Variants in MGAT5 observed in about 807,000 individuals in gnomAD.
The protein encoded by MGAT5 is alpha-1,6-mannosylglycoprotein 6-beta-N-acetylglucosaminyltransferase A.
MGAT5 carries 30 observed loss-of-function variants against 94.3 expected under a neutral mutation model. That is an observed-to-expected ratio of 0.32 (90% CI 0.24 to 0.43). MGAT5 has a LOEUF of 0.43. Ranked by LOEUF, MGAT5 falls within the 20% of genes least tolerant of loss-of-function variation. MGAT5 has a pLI of 1.00. For synonymous variants in MGAT5, 310 were observed against 322.9 expected (o/e 0.96, Z 0.43); for missense variants, 691 against 905.5 (o/e 0.76, Z 3.04).
At chr2:134,244,078 C>T (rs1266225565) in intron 1 of MGAT5, among the ~76,000 whole-genome samples, 1 of 152,084 alleles carries the variant, frequency 6.6e-6, no homozygotes, top group Non-Finnish European at 1.5e-5. Flanking sequence ...GTGCATTTTA[C>T]ACTTATTATA....
intron 10 of MGAT5, among the ~76,000 whole-genome samples, chr2:134,381,391 TAGATAGATAGATAGA>T (rs1558841820): frequency 9.4e-4 from 75 of 80,022 alleles, no homozygotes; most frequent in African/African-American, 3.2e-3. Flanking sequence ...ATTAGATAGA[TAGATAGATAGATAGA>T]TAGATAGATA....
At chr2:134,380,323 A>G (rs1325432047) in intron 10 of MGAT5, among the ~76,000 whole-genome samples, 1 of 152,220 alleles carries the variant, frequency 6.6e-6, no homozygotes. Flanking sequence ...AATGGTAGTT[A>G]CTATCTTTTA....
chr2:134,310,396 G>A (rs1364741441), intron 2 of MGAT5, among the ~76,000 whole-genome samples: 7 of 152,134 alleles, frequency 4.6e-5, no homozygotes, highest in African/African-American at 1.7e-4. Flanking sequence ...ATCTCACTAG[G>A]CCTTACTGTT....
intron 1 of MGAT5, among the ~76,000 whole-genome samples, chr2:134,149,788 C>T (rs1364146426): frequency 6.6e-6 from 1 of 152,168 alleles, no homozygotes; most frequent in African/African-American, 2.4e-5. Flanking sequence ...AAGGCACTAA[C>T]AGCAGTGGAA....
chr2:134,240,366 T>G (rs1024518359), intron 1 of MGAT5, among the ~76,000 whole-genome samples: 1 of 151,742 alleles, frequency 6.6e-6, no homozygotes, highest in Non-Finnish European at 1.5e-5. Context: ...TGTTTTTTTT[T>G]TTTTTTACTA....
At chr2:134,255,498 CATAT>C (rs950470313) in intron 1 of MGAT5, among the ~76,000 whole-genome samples, 13 of 148,954 alleles carry the variant, frequency 8.7e-5, no homozygotes, top group African/African-American at 3.2e-4. Flanking sequence ...TATATATACA[CATAT>C]ATACACATAT....
intron 2 of MGAT5, among the ~76,000 whole-genome samples, chr2:134,306,384 T>G (rs1686331766): frequency 6.6e-6 from 1 of 152,210 alleles, no homozygotes; most frequent in Admixed American, 6.5e-5. Context: ...TACACTGTTT[T>G]GCTATTATAT....
intron 11 of MGAT5, among the ~76,000 whole-genome samples, chr2:134,411,479 T>G (rs2106326385): frequency 6.6e-6 from 1 of 152,306 alleles, no homozygotes; most frequent in Non-Finnish European, 1.5e-5. Context: ...AAATTTATTC[T>G]TTCAAAAAAC....
chr2:134,312,572 G>A (rs1174132202), intron 2 of MGAT5, among the ~76,000 whole-genome samples: 1 of 152,168 alleles, frequency 6.6e-6, no homozygotes, highest in Admixed American at 6.5e-5. Context: ...TATTAAACAA[G>A]ATGGGGTCTC....
intron 1 of MGAT5, among the ~76,000 whole-genome samples, chr2:134,132,305 C>T (rs1686214427): frequency 6.6e-6 from 1 of 152,168 alleles, no homozygotes; most frequent in African/African-American, 2.4e-5. Flanking sequence ...GACTAGTTTT[C>T]CTTTCTGAAA....
intron 1 of MGAT5, among the ~76,000 whole-genome samples, chr2:134,269,018 A>G (rs1485502437): frequency 1.3e-5 from 2 of 152,220 alleles, no homozygotes; most frequent in East Asian, 1.9e-4. Context: ...TCATTATTTA[A>G]TATCTGTGAA....
intron 1 of MGAT5, among the ~76,000 whole-genome samples, chr2:134,170,927 C>T (rs1395338695): frequency 2.0e-5 from 3 of 149,742 alleles, no homozygotes; most frequent in African/African-American, 5.0e-5. Context: ...GGTGCAATTT[C>T]GGCTCACTGT....
intron 9 of MGAT5, among the ~76,000 whole-genome samples, chr2:134,357,254 C>A (rs892780249): frequency 6.6e-6 from 1 of 152,340 alleles, no homozygotes; most frequent in South Asian, 2.1e-4. Flanking sequence ...CCTCATCTTA[C>A]TTTCTTGTGT....
chr2:134,378,170 G>T (rs553526638), intron 10 of MGAT5, among the ~76,000 whole-genome samples: 1 of 152,290 alleles, frequency 6.6e-6, no homozygotes, highest in South Asian at 2.1e-4. Context: ...TAGAAGGTGT[G>T]GAAAGATGCT....
At chr2:134,220,527 A>C (rs1425643490) in intron 1 of MGAT5, among the ~76,000 whole-genome samples, 1 of 152,202 alleles carries the variant, frequency 6.6e-6, no homozygotes, top group African/African-American at 2.4e-5. Flanking sequence ...TCTGTAATTA[A>C]GAGCTGATTT....
intron 1 of MGAT5, among the ~76,000 whole-genome samples, chr2:134,121,405 C>G (rs1313018317): frequency 6.6e-6 from 1 of 152,224 alleles, no homozygotes; most frequent in Non-Finnish European, 1.5e-5. Flanking sequence ...CACACAAAGC[C>G]GCGGTTTTGT....
intron 1 of MGAT5, among the ~76,000 whole-genome samples, chr2:134,153,361 T>C (rs1687317386): frequency 6.6e-6 from 1 of 152,190 alleles, no homozygotes; most frequent in Admixed American, 6.5e-5. Flanking sequence ...TTTCTTTTTT[T>C]TTATTATTAA....
chr2:134,249,047 T>G (rs1682440665), intron 1 of MGAT5, among the ~76,000 whole-genome samples: 1 of 151,982 alleles, frequency 6.6e-6, no homozygotes, highest in Non-Finnish European at 1.5e-5. Flanking sequence ...AGCGGTCATA[T>G]GTGGTGAACT....
chr2:134,280,666 G>A lies in MGAT5; in HGVS notation c.406+10116G>A, dbSNP rs1684636407. Among the ~76,000 whole-genome samples the A allele has an allele frequency of 3.9e-5, 6 of 152,328 alleles. 1 individual carries two copies. In the South Asian group the frequency reaches 1.2e-3, roughly 32 times the overall value. ...GTGCTAATGTTTTCCCCCTTCGGGG[G>A]ACTTGATTAAACAGCAGCCACATGA... is the stretch of plus-strand genomic sequence containing the variant. On this transcript the variant is annotated intron_variant, in intron 2 of 15. Transcript: ENST00000281923.
Sources: gnomAD v4.1 joint callset for allele counts (sites outside exome capture counted in the v4.1 genomes callset) on GRCh38, gnomAD v4.1.1 for gene constraint, MANE v1.5 for transcripts, NCBI Gene and HGNC (gene_info 2026-07-23, HGNC 2026-07-21) for gene names.